The following AUTS2 variants were observed in gnomAD, a reference collection of about 807,000 sequenced individuals.
AUTS2 encodes the protein activator of transcription and developmental regulator AUTS2, also known as autism susceptibility gene 2 protein.
AUTS2 carries 17 observed loss-of-function variants against 112.4 expected under a neutral mutation model. That is an observed-to-expected ratio of 0.15 (90% confidence interval 0.10 to 0.23). AUTS2 has a LOEUF of 0.23. Among genes scored for constraint, AUTS2 ranks in the 10% least tolerant of loss-of-function variants. The pLI, the probability that AUTS2 is intolerant of heterozygous loss-of-function variation, is 1.00. For missense variants in AUTS2, 1,510 were observed against 1,701.6 expected (o/e 0.89, Z 1.98); for synonymous variants, 751 against 702.7 (o/e 1.07, Z -1.09).
At chr7:69,683,209 C>A (rs907769975) in intron 1 of AUTS2, among the ~76,000 whole-genome samples, 2 of 152,184 alleles carry the variant, frequency 1.3e-5, no homozygotes, top group Non-Finnish European at 2.9e-5. Flanking sequence ...CTATCCTAGT[C>A]TTTTAATATG....
At chr7:70,475,441 T>C (rs867614514) in intron 5 of AUTS2, among the ~76,000 whole-genome samples, 1 of 152,190 alleles carries the variant, frequency 6.6e-6, no homozygotes, top group African/African-American at 2.4e-5. Flanking sequence ...TATTTCCCAT[T>C]AGTGCTTTGC....
intron 5 of AUTS2, among the ~76,000 whole-genome samples, chr7:70,597,209 A>G (rs761765199): frequency 1.3e-5 from 2 of 152,224 alleles, no homozygotes; most frequent in African/African-American, 2.4e-5. Flanking sequence ...GCCAAGCAAG[A>G]CTTTCAGCTG....
At chr7:70,753,405 C>G (rs753139461) in intron 6 of AUTS2, among the ~76,000 whole-genome samples, 5 of 152,166 alleles carry the variant, frequency 3.3e-5, no homozygotes, top group Non-Finnish European at 7.3e-5. Context: ...AGAATCTCTT[C>G]GAGCCCTGCC....
intron 2 of AUTS2, among the ~76,000 whole-genome samples, chr7:69,909,117 T>C (rs1179188909): frequency 6.6e-6 from 1 of 152,224 alleles, no homozygotes; most frequent in Non-Finnish European, 1.5e-5. Context: ...ATCATAAAAT[T>C]GTAACAACAT....
At chr7:70,451,192 C>G (rs546266205) in intron 5 of AUTS2, among the ~76,000 whole-genome samples, 1 of 152,016 alleles carries the variant, frequency 6.6e-6, no homozygotes, top group African/African-American at 2.4e-5. Flanking sequence ...CCATTAAAAA[C>G]AAAATAAATA....
At chr7:70,729,500 G>A (rs769622414) in intron 6 of AUTS2, among the ~76,000 whole-genome samples, 3 of 152,220 alleles carry the variant, frequency 2.0e-5, no homozygotes, top group African/African-American at 4.8e-5. Flanking sequence ...TTCAACCCTC[G>A]TTTTCTGTTT....
intron 5 of AUTS2, among the ~76,000 whole-genome samples, chr7:70,495,778 TCA>T (rs368760127): frequency 0.11 from 1,641 of 14,660 alleles, no homozygotes; most frequent in African/African-American, 0.19. Flanking sequence ...ACGTACACAG[TCA>T]CACACACACA....
intron 1 of AUTS2, among the ~76,000 whole-genome samples, chr7:69,614,002 C>T (rs1238947624): frequency 1.3e-5 from 2 of 152,162 alleles, no homozygotes; most frequent in African/African-American, 4.8e-5. Flanking sequence ...TTTGTTTATG[C>T]TACAAAGAGT....
At chr7:70,250,815 A>G (rs992605313) in intron 4 of AUTS2, among the ~76,000 whole-genome samples, 2 of 152,136 alleles carry the variant, frequency 1.3e-5, no homozygotes, top group Middle Eastern at 3.2e-3. Context: ...CTAAACAACA[A>G]CAACACACAG....
intron 1 of AUTS2, among the ~76,000 whole-genome samples, chr7:69,810,515 T>C (rs966187584): frequency 1.4e-4 from 22 of 152,130 alleles, no homozygotes; most frequent in African/African-American, 5.1e-4. Flanking sequence ...AGCCTCAGTT[T>C]TTTTTTGATC....
chr7:70,260,063 A>G (rs1584944044), intron 4 of AUTS2, among the ~76,000 whole-genome samples: 1 of 152,112 alleles, frequency 6.6e-6, no homozygotes, highest in African/African-American at 2.4e-5. Context: ...ATAACAGAAT[A>G]CCTAAAACTA....
intron 5 of AUTS2, among the ~76,000 whole-genome samples, chr7:70,602,046 G>A (rs78487775): frequency 2.0e-5 from 3 of 152,104 alleles, no homozygotes; most frequent in Non-Finnish European, 2.9e-5. Context: ...CCCAGGGCAG[G>A]TGCCTCTCTC....
intron 1 of AUTS2, among the ~76,000 whole-genome samples, chr7:69,884,725 C>G (rs1241083625): frequency 3.3e-5 from 5 of 152,184 alleles, no homozygotes; most frequent in Admixed American, 6.5e-5. Context: ...TTTGCATGAC[C>G]TAATTGCCTC....
intron 1 of AUTS2, among the ~76,000 whole-genome samples, chr7:69,697,496 G>A (rs957123694): frequency 6.6e-6 from 1 of 152,204 alleles, no homozygotes; most frequent in Non-Finnish European, 1.5e-5. Flanking sequence ...GGTGATGTCA[G>A]GGGTAGGCTT....
At chr7:70,177,457 A>G (rs537750880) in intron 4 of AUTS2, among the ~76,000 whole-genome samples, 1 of 152,220 alleles carries the variant, frequency 6.6e-6, no homozygotes, top group East Asian at 1.9e-4. Context: ...AGAGAACCAC[A>G]TTTACTTATT....
intron 5 of AUTS2, among the ~76,000 whole-genome samples, chr7:70,650,657 A>G (rs568598851): frequency 1.8e-4 from 28 of 152,362 alleles, no homozygotes; most frequent in Middle Eastern, 3.4e-3. Context: ...TGAAACTAGT[A>G]TCTCGTTGAT....
intron 4 of AUTS2, among the ~76,000 whole-genome samples, chr7:70,174,135 G>A (rs1808858991): frequency 1.3e-5 from 2 of 152,200 alleles, no homozygotes; most frequent in Non-Finnish European, 2.9e-5. Flanking sequence ...GAAATAATAG[G>A]TGCTACTCCA....
chr7:70,440,267 G>T (rs935714904), intron 5 of AUTS2, among the ~76,000 whole-genome samples: 2 of 151,078 alleles, frequency 1.3e-5, no homozygotes, highest in African/African-American at 4.9e-5. Context: ...ACTTAACCAG[G>T]CATGGTGGCA....
At chr7:69,875,358 C>G (rs1381149800) in intron 1 of AUTS2, among the ~76,000 whole-genome samples, 1 of 152,106 alleles carries the variant, frequency 6.6e-6, no homozygotes, top group Non-Finnish European at 1.5e-5. Context: ...TAACTTTGAT[C>G]TTTTTTTCTT....
Sources: allele counts gnomAD v4.1 joint callset (sites outside exome capture counted in the v4.1 genomes callset), GRCh38; gene constraint gnomAD v4.1.1; transcripts MANE v1.5; gene names NCBI Gene and HGNC (gene_info 2026-07-23, HGNC 2026-07-21).